Variants in ATG16L1 observed in about 807,000 individuals in gnomAD.
The protein encoded by ATG16L1 is autophagy related 16 like 1.
In ATG16L1, 37 loss-of-function variants were observed where a neutral mutation model predicts 88.5. The observed-to-expected ratio is 0.42, with a 90% confidence interval of 0.32 to 0.55. ATG16L1 has a LOEUF of 0.55. Among genes scored for constraint, ATG16L1 ranks in the 20% least tolerant of loss-of-function variants. The pLI is 0.13. For missense variants in ATG16L1, 554 were observed against 752.8 expected (o/e 0.74, Z 3.09); for synonymous variants, 301 against 281.0 (o/e 1.07, Z -0.71).
At chr2:233,277,310 C>T in intron 9 of ATG16L1, 1 of 322,906 alleles carries the variant, frequency 3.1e-6, no homozygotes, top group Non-Finnish European at 5.9e-6. Context: ...ATGCAAGGAC[C>T]AACTTTAAGC....
rs1698024036 is a variant in ATG16L1, at chr2:233,271,882, T to C, written c.708-1084T>C. Among the ~76,000 whole-genome samples the C allele has an allele frequency of 3.9e-5, 6 of 152,364 alleles. No homozygotes were observed. The South Asian group carries it at 1.2e-3, about 32-fold the overall frequency. ...GAAAATAAAGCACAGCCTTGTCCTT[T>C]TTCTTTCGACCTGCCTTTTATTCCC... On this transcript the variant is annotated intron_variant, in intron 6 of 17. Coordinates refer to ENST00000392017, the MANE Select transcript of ATG16L1 (RefSeq NM_030803.7).
intron 4 of ATG16L1, among the ~76,000 whole-genome samples, chr2:233,264,379 A>G (rs578095345): frequency 2.0e-5 from 3 of 152,270 alleles, no homozygotes; most frequent in African/African-American, 7.2e-5. Context: ...TGGAGGTGGT[A>G]GGGCCAGGAT....
At position 233,265,091 on chromosome 2, in the gene ATG16L1, G is replaced by T; in HGVS notation, c.589G>T (p.Glu197Ter). 1 of 1,614,196 alleles carries T rather than the reference G, an allele frequency of 6.2e-7. No homozygotes were observed. The highest frequency in any genetic ancestry group is 1.1e-5 in the South Asian group (1 of 91,076). ...GGAGCTGGTCACCAGATGGATGGCT[G>T]AGAAAGCCCAGGAAGCCAATCGGCT... ...NQELVTRWMA[E>*]KAQEANRLNA... Residue 197 changes from glutamate (E) to a stop codon, truncating the protein, a stop_gained, in exon 5 of 18, where the codon GAG (glutamate) becomes TAG (stop). Coordinates refer to ENST00000392017, the MANE Select transcript of ATG16L1 (RefSeq NM_030803.7). LOFTEE classifies it high-confidence loss of function.
At chr2:233,271,512 A>G (rs1187915037) in intron 6 of ATG16L1, among the ~76,000 whole-genome samples, 2 of 152,204 alleles carry the variant, frequency 1.3e-5, no homozygotes, top group Non-Finnish European at 2.9e-5. Flanking sequence ...TCCTGACTTC[A>G]GGTGATCTGC....
At chr2:233,278,298 G>A (rs918465924) in intron 10 of ATG16L1, among the ~76,000 whole-genome samples, 2 of 152,156 alleles carry the variant, frequency 1.3e-5, no homozygotes, top group Non-Finnish European at 2.9e-5. Context: ...GTCTGAAGCC[G>A]GGCATTTCCC....
chr2:233,282,508 CGAAG>C (rs1414349347), intron 11 of ATG16L1, among the ~76,000 whole-genome samples, 170 bp from the exon 12 acceptor site: 1 of 152,106 alleles, frequency 6.6e-6, no homozygotes, highest in Non-Finnish European at 1.5e-5. Context: ...GGTCTGAACT[CGAAG>C]GAGACTGGCG....
At chr2:233,274,582 T>A in intron 8 of ATG16L1, 94 bp from the exon 9 acceptor site, 1 of 902,290 alleles carries the variant, frequency 1.1e-6, no homozygotes, top group East Asian at 2.7e-5. Flanking sequence ...GGCAGTCTGC[T>A]TAAGCAAGGT....
At chr2:233,288,766 G>A (rs1699254152) in intron 12 of ATG16L1, 1 of 519,094 alleles carries the variant, frequency 1.9e-6, no homozygotes, top group African/African-American at 1.9e-5. Context: ...TCGCACTTCA[G>A]AAGTGCTGCG....
At chr2:233,267,195 G>A (rs1488390475) in intron 5 of ATG16L1, among the ~76,000 whole-genome samples, 3 of 151,974 alleles carry the variant, frequency 2.0e-5, no homozygotes, top group African/African-American at 7.2e-5. Context: ...ATAAAAATAC[G>A]AAAATTAGCC....
chr2:233,270,776 G>A lies in ATG16L1; in HGVS notation c.707+709G>A, dbSNP rs968854077. Among the ~76,000 whole-genome samples the A allele has an allele frequency of 3.3e-5, 5 of 152,260 alleles. No individual in the cohort carries two copies. The East Asian group carries it at 5.8e-4, about 18-fold the overall frequency. The stretch of plus-strand genomic sequence containing the variant: ...CTAATCTGCCTACAAGTTAAGGTGG[G>A]GTATCTTCTCTGAGATTTGAAGCTT... On this transcript the variant is annotated intron_variant, in intron 6 of 17. Coordinates refer to ENST00000392017, the MANE Select transcript of ATG16L1 (RefSeq NM_030803.7).
chr2:233,287,998 T>A (rs1318942117), intron 12 of ATG16L1, among the ~76,000 whole-genome samples: 2 of 152,180 alleles, frequency 1.3e-5, no homozygotes, highest in Non-Finnish European at 2.9e-5. Context: ...CTGTATCTAG[T>A]GTAGGCTTTG....
intron 17 of ATG16L1, among the ~76,000 whole-genome samples, chr2:233,293,703 G>T (rs922064088): frequency 1.6e-4 from 24 of 152,094 alleles, no homozygotes; most frequent in African/African-American, 5.8e-4. Flanking sequence ...GGAAGTCCCT[G>T]TTGTCAGTGC....
Position 233,294,578 on chromosome 2 carries a change from T to C in ATG16L1, c.*228T>C. ...GAAAAAACCTGACGCTGCGGTCACTTAGCAGAGGCTCAGGTTCTTGCCTTG... is the reference window on the plus strand; with the variant it reads ...GAAAAAACCTGACGCTGCGGTCACTCAGCAGAGGCTCAGGTTCTTGCCTTG... On this transcript the variant is annotated 3_prime_UTR_variant, in exon 18 of 18. Transcript: ENST00000392017. 1 of 399,946 alleles carries C rather than the reference T, an allele frequency of 2.5e-6. No individual in the cohort carries two copies. Among genetic ancestry groups the C allele is most frequent in the Non-Finnish European group, 4.6e-6 (1 of 219,000 alleles). 24.8% of individuals were successfully genotyped at this position (399,946 alleles called of 1,614,324 possible).
Position 233,289,845 on chromosome 2 carries a change from C to T in ATG16L1, c.1204-9C>T, listed in dbSNP as rs747966036. On this transcript the variant is annotated splice_polypyrimidine_tract_variant and intron_variant, in intron 12 of 17. Coordinates refer to ENST00000392017, the MANE Select transcript of ATG16L1 (RefSeq NM_030803.7). ...CTGAGGCTCACCCTGGCTGTGTTCT[C>T]TCTCCTAGCACACACTCACGGGACA... 2.5e-6 allele frequency: 4 copies of T among 1,611,844 alleles called. No homozygotes were observed. The highest frequency in any genetic ancestry group is 2.2e-5 in the South Asian group (2 of 91,040).
intron 14 of ATG16L1, 71 bp from the exon 15 acceptor site, chr2:233,292,057 T>G: frequency 1.3e-6 from 2 of 1,559,814 alleles, no homozygotes; most frequent in Non-Finnish European, 1.7e-6. Context: ...AGTGCCTTTT[T>G]TTTCCTCCAC....
At chr2:233,285,771 G>A (rs1237677886) in intron 12 of ATG16L1, among the ~76,000 whole-genome samples, 1 of 152,198 alleles carries the variant, frequency 6.6e-6, no homozygotes, top group East Asian at 1.9e-4. Flanking sequence ...CTGGAGGACA[G>A]GAATCCATTC....
chr2:233,253,755 A>G (rs1696580146), intron 1 of ATG16L1, among the ~76,000 whole-genome samples: 1 of 152,180 alleles, frequency 6.6e-6, no homozygotes, highest in Non-Finnish European at 1.5e-5. Flanking sequence ...GTTTTAACAA[A>G]ACTAAGAAGA....
intron 1 of ATG16L1, among the ~76,000 whole-genome samples, chr2:233,253,614 A>G (rs549830581): frequency 2.0e-5 from 3 of 152,240 alleles, no homozygotes; most frequent in Non-Finnish European, 2.9e-5. Context: ...CCAAAGTGCT[A>G]GGATTACAGG....
chr2:233,279,261 A>T (rs572906397), intron 10 of ATG16L1, among the ~76,000 whole-genome samples: 1 of 152,358 alleles, frequency 6.6e-6, no homozygotes, highest in South Asian at 2.1e-4. Context: ...AGATTTAAAT[A>T]AAAATAACAC....
Sources: allele counts gnomAD v4.1 joint callset (sites outside exome capture counted in the v4.1 genomes callset), GRCh38; gene constraint gnomAD v4.1.1; transcripts MANE v1.5; gene names NCBI Gene and HGNC (gene_info 2026-07-23, HGNC 2026-07-21).